Variants in KLF12 observed in about 807,000 individuals in gnomAD.
KLF12 encodes the protein Krueppel-like factor 12.
Under a neutral mutation model 37.8 loss-of-function variants are expected in KLF12, and 9 were observed. The ratio of observed to expected loss-of-function variants is 0.24; its 90% CI spans 0.14 to 0.42. KLF12 has a LOEUF of 0.42. Ranked by LOEUF, KLF12 falls within the 10% of genes least tolerant of loss-of-function variation. The pLI, the probability that KLF12 is intolerant of heterozygous loss-of-function variation, is 1.00. For missense variants in KLF12, 411 were observed against 516.0 expected (o/e 0.80, Z 1.97); for synonymous variants, 208 against 202.1 (o/e 1.03, Z -0.25).
intron 3 of KLF12, among the ~76,000 whole-genome samples, chr13:73,854,970 G>A (rs983545084): frequency 9.9e-5 from 15 of 152,190 alleles, no homozygotes; most frequent in Non-Finnish European, 2.1e-4. Flanking sequence ...TAATGGTGAA[G>A]TGGAGAGAAA....
intron 7 of KLF12, among the ~76,000 whole-genome samples, chr13:73,706,547 G>T (rs976541899): frequency 3.9e-5 from 6 of 152,212 alleles, no homozygotes; most frequent in Non-Finnish European, 8.8e-5. Context: ...CCCCATTGAT[G>T]AAAATAAGTG....
At chr13:74,175,362 T>G in the KLF12 span, among the ~76,000 whole-genome samples, 2 of 152,226 alleles carry the variant, frequency 1.3e-5, no homozygotes, top group Admixed American at 6.5e-5. Flanking sequence ...CACTGTCCTT[T>G]TCAGCAATTT....
chr13:73,825,977 ATTTTT>A (rs199514948), intron 4 of KLF12, among the ~76,000 whole-genome samples: 1 of 144,432 alleles, frequency 6.9e-6, no homozygotes, highest in African/African-American at 2.5e-5. Flanking sequence ...ATCATTCAAC[ATTTTT>A]TTTTTTTTGA....
chr13:73,867,720 C>T (rs949375006), intron 3 of KLF12, among the ~76,000 whole-genome samples: 1 of 152,112 alleles, frequency 6.6e-6, no homozygotes, highest in Non-Finnish European at 1.5e-5. Flanking sequence ...TGCGACCCCA[C>T]AGTGGGCTAC....
At chr13:74,197,825 A>G in the KLF12 span, among the ~76,000 whole-genome samples, 1 of 152,078 alleles carries the variant, frequency 6.6e-6, no homozygotes, top group Admixed American at 6.6e-5. Flanking sequence ...CTTGCCTCTG[A>G]GGCTCCCCAC....
At chr13:74,211,488 T>C in the KLF12 span, among the ~76,000 whole-genome samples, 1 of 152,130 alleles carries the variant, frequency 6.6e-6, no homozygotes, top group Admixed American at 6.5e-5. Flanking sequence ...GGCAGATAAA[T>C]AGTTTTGATC....
chr13:73,755,881 T>C (rs976081893), intron 6 of KLF12, among the ~76,000 whole-genome samples: 1 of 152,184 alleles, frequency 6.6e-6, no homozygotes, highest in African/African-American at 2.4e-5. Flanking sequence ...GTTACTTCAC[T>C]TAGAATAATG....
At chr13:73,992,897 A>G (rs1197812833) in intron 2 of KLF12, among the ~76,000 whole-genome samples, 1 of 152,196 alleles carries the variant, frequency 6.6e-6, no homozygotes, top group Non-Finnish European at 1.5e-5. Flanking sequence ...GTTCAAACGC[A>G]TCTACAATGG....
chr13:73,860,499 C>T (rs1885866322), intron 3 of KLF12, among the ~76,000 whole-genome samples: 1 of 152,082 alleles, frequency 6.6e-6, no homozygotes, highest in African/African-American at 2.4e-5. Flanking sequence ...CTTTAGGAGG[C>T]CGAGACCGAA....
chr13:74,292,497 A>G, the KLF12 span, among the ~76,000 whole-genome samples: 1 of 150,048 alleles, frequency 6.7e-6, no homozygotes, highest in Non-Finnish European at 1.5e-5. Context: ...TGTTATGTCC[A>G]TAAGGTCCTT....
At chr13:74,037,463 C>T (rs1203401909) in intron 1 of KLF12, among the ~76,000 whole-genome samples, 1 of 152,124 alleles carries the variant, frequency 6.6e-6, no homozygotes, top group Non-Finnish European at 1.5e-5. Context: ...CACAAGACAT[C>T]CACAGCCGCC....
At chr13:73,898,233 C>G (rs1358624721) in intron 3 of KLF12, among the ~76,000 whole-genome samples, 2 of 152,054 alleles carry the variant, frequency 1.3e-5, no homozygotes, top group African/African-American at 4.8e-5. Context: ...ATGATCTGTG[C>G]CTGTGACAAA....
intron 3 of KLF12, among the ~76,000 whole-genome samples, chr13:73,856,089 A>C (rs1003624009): frequency 6.6e-6 from 1 of 152,210 alleles, no homozygotes; most frequent in East Asian, 1.9e-4. Context: ...AAATTGTACA[A>C]ATCAAGCCCC....
chr13:74,029,926 AG>A (rs1453587043), intron 1 of KLF12, among the ~76,000 whole-genome samples: 2 of 152,144 alleles, frequency 1.3e-5, no homozygotes. Flanking sequence ...AGGAGAGTTG[AG>A]GCCACAGGAA....
the KLF12 span, among the ~76,000 whole-genome samples, chr13:74,221,155 C>T: frequency 2.6e-5 from 4 of 152,004 alleles, no homozygotes; most frequent in South Asian, 4.2e-4. Context: ...CAAGCACCGC[C>T]GCCACCACGC....
chr13:73,990,921 T>C (rs1314719288), intron 2 of KLF12, among the ~76,000 whole-genome samples: 1 of 152,160 alleles, frequency 6.6e-6, no homozygotes, highest in Non-Finnish European at 1.5e-5. Flanking sequence ...ATAAATAATG[T>C]TCACCGAATA....
At chr13:74,013,129 T>C (rs948860839) in intron 1 of KLF12, among the ~76,000 whole-genome samples, 8 of 152,240 alleles carry the variant, frequency 5.3e-5, no homozygotes, top group Non-Finnish European at 1.2e-4. Flanking sequence ...TGGGAACGGA[T>C]TCCCTGAACC....
chr13:73,705,964 C>G (rs1320341615), intron 7 of KLF12, among the ~76,000 whole-genome samples: 1 of 152,066 alleles, frequency 6.6e-6, no homozygotes, highest in Non-Finnish European at 1.5e-5. Context: ...CCATCCTGTC[C>G]AACATGGTGA....
chr13:74,066,134 G>T (rs753413866), intron 1 of KLF12, among the ~76,000 whole-genome samples: 1 of 152,086 alleles, frequency 6.6e-6, no homozygotes, highest in Non-Finnish European at 1.5e-5. Flanking sequence ...CCGTGGACCT[G>T]CAGGCAACAC....
Sources: gnomAD v4.1 joint callset for allele counts (sites outside exome capture counted in the v4.1 genomes callset) on GRCh38, gnomAD v4.1.1 for gene constraint, MANE v1.5 for transcripts, NCBI Gene and HGNC (gene_info 2026-07-23, HGNC 2026-07-21) for gene names.